ZNF831: variants seen among roughly 807,000 people sequenced by gnomAD.
ZNF831 encodes the protein chromosome 20 open reading frame 174.
In ZNF831, 59 loss-of-function variants were observed where a neutral mutation model predicts 95.8. That is an observed-to-expected ratio of 0.62 (90% CI 0.50 to 0.77). ZNF831 has a LOEUF of 0.77. ZNF831 is among the 30% of genes least tolerant of loss of function. ZNF831 has a pLI of 0.00. For missense variants in ZNF831, 2,205 were observed against 2,164.0 expected (o/e 1.02, Z -0.38); for synonymous variants, 961 against 925.5 (o/e 1.04, Z -0.70).
chr20:59,200,712 A>G (rs1381887896), intron 3 of ZNF831, among the ~76,000 whole-genome samples: 1 of 152,116 alleles, frequency 6.6e-6, no homozygotes, highest in Non-Finnish European at 1.5e-5. Context: ...CTAGAATTTT[A>G]TAGAAACAGA....
chr20:59,242,608 G>C (rs1987396305), intron 4 of ZNF831, among the ~76,000 whole-genome samples: 1 of 152,020 alleles, frequency 6.6e-6, no homozygotes, highest in South Asian at 2.1e-4. Context: ...TTTTATCAAA[G>C]AAATAAGAGA....
At chr20:59,138,069 T>C (rs1187431067) in intron 1 of ZNF831, among the ~76,000 whole-genome samples, 5 of 152,222 alleles carry the variant, frequency 3.3e-5, no homozygotes, top group African/African-American at 1.2e-4. Flanking sequence ...GTAATGTATT[T>C]AGGGACACAT....
intron 4 of ZNF831, among the ~76,000 whole-genome samples, chr20:59,213,866 A>G (rs1985505633): frequency 6.6e-6 from 1 of 152,202 alleles, no homozygotes; most frequent in Admixed American, 6.5e-5. Flanking sequence ...AGGTAAAAGT[A>G]GTAACCGAAC....
intron 3 of ZNF831, among the ~76,000 whole-genome samples, chr20:59,199,460 TA>T (rs1383914395): frequency 6.6e-6 from 1 of 152,190 alleles, no homozygotes; most frequent in Non-Finnish European, 1.5e-5. Context: ...AAAGTACACA[TA>T]AAAGTATCAT....
chr20:59,157,937 A>G (rs1161620081), intron 2 of ZNF831, among the ~76,000 whole-genome samples: 1 of 152,208 alleles, frequency 6.6e-6, no homozygotes, highest in Non-Finnish European at 1.5e-5. Context: ...TTCTTGTTGT[A>G]GCTGAAATAT....
chr20:59,207,802 G>T (rs1378260085), intron 4 of ZNF831, among the ~76,000 whole-genome samples: 1 of 152,226 alleles, frequency 6.6e-6, no homozygotes, highest in Non-Finnish European at 1.5e-5. Flanking sequence ...AGCAGTGCCT[G>T]AATTACCATC....
intron 2 of ZNF831, among the ~76,000 whole-genome samples, chr20:59,153,614 A>G (rs1980373892): frequency 1.3e-5 from 2 of 150,872 alleles, no homozygotes; most frequent in Non-Finnish European, 3.0e-5. Flanking sequence ...AGCACACCCT[A>G]TGAAGGGCAA....
intron 2 of ZNF831, among the ~76,000 whole-genome samples, chr20:59,151,007 G>A (rs529960627): frequency 1.3e-5 from 2 of 152,336 alleles, no homozygotes; most frequent in South Asian, 4.1e-4. Context: ...CCAGATGGGA[G>A]ACCCATGAGC....
chr20:59,194,844 G>T (rs973928178), intron 2 of ZNF831, 87 bp downstream of exon 2: 3 of 1,443,588 alleles, frequency 2.1e-6, no homozygotes, highest in Non-Finnish European at 2.7e-6. Flanking sequence ...GAAGTCTGAA[G>T]CCGTCCCATG....
Position 59,192,520 on chromosome 20 carries a change from G to A in ZNF831, c.1501G>A (p.Val501Ile), listed in dbSNP as rs546116387. ...QLSTTVECVP[V>I]TRSNSLPFVE... ...CTCCACCACCGTGGAATGTGTCCCC[G>A]TCACCAGGAGCAACTCGCTGCCCTT... Residue 501 changes from valine to isoleucine, a missense_variant, in exon 2 of 6, where the codon GTC (valine) becomes ATC (isoleucine). Transcript: ENST00000371030. This position sits in a 1 kb window ranked among gnomAD's most constrained non-coding sequence, Gnocchi z 5.2. 6 of 1,534,134 alleles carry A rather than the reference G, an allele frequency of 3.9e-6. No homozygotes were observed. Among genetic ancestry groups the A allele is most frequent in the African/African-American group, 1.4e-5 (1 of 72,390 alleles).
rs778565250 is a variant in ZNF831 at position 59,194,379 on chromosome 20, G to T, written c.3360G>T (p.Val1120=). The T allele has an allele frequency of 1.9e-6, 3 of 1,611,012 alleles. No individual in the cohort carries two copies. Among genetic ancestry groups the T allele is most frequent in the Admixed American group, 1.7e-5 (1 of 59,760 alleles). Residue 1120 remains valine (V), a synonymous_variant, in exon 2 of 6, where the codon GTG becomes GTT. Transcript: ENST00000371030. The stretch of plus-strand genomic sequence containing the variant: ...AAGATCCTTCTTCAGGGCCCCTGGT[G>T]GGCCCCGACCCGTGTTCCCCCCTCC... ...APEDPSSGPL[V]GPDPCSPLQP... is the part of the protein sequence containing the mutation.
intron 1 of ZNF831, among the ~76,000 whole-genome samples, chr20:59,139,248 T>A (rs865921204): frequency 6.6e-6 from 1 of 152,246 alleles, no homozygotes; most frequent in Non-Finnish European, 1.5e-5. Flanking sequence ...AGTATTTCTA[T>A]GGTGTGGATG....
chr20:59,195,736 C>T (rs954947503), intron 2 of ZNF831, 133 bp from the exon 3 acceptor site: 1 of 1,481,658 alleles, frequency 6.7e-7, no homozygotes, highest in African/African-American at 1.4e-5. Context: ...GGGGCTCAGC[C>T]CGTTTAGCAA....
chr20:59,187,091 C>T (rs372982664), intron 1 of ZNF831, among the ~76,000 whole-genome samples: 2 of 152,106 alleles, frequency 1.3e-5, no homozygotes, highest in African/African-American at 2.4e-5. Flanking sequence ...TGCCAGGAAG[C>T]GTTCCCACCA....
chr20:59,130,331 T>A (rs117451612), intron 1 of ZNF831, among the ~76,000 whole-genome samples: 1 of 152,276 alleles, frequency 6.6e-6, no homozygotes, highest in East Asian at 1.9e-4. Flanking sequence ...CAGCAAGATG[T>A]GAACTGTCGT....
intron 3 of ZNF831, 103 bp downstream of exon 3, chr20:59,196,108 C>T (rs1984086347): frequency 1.4e-6 from 2 of 1,476,544 alleles, no homozygotes; most frequent in Non-Finnish European, 1.8e-6. Context: ...GTTCCTGTTT[C>T]CTAGGGTTTA....
In ZNF831 at chr20:59,258,685, T is replaced by C. The variant is rs2064865; in HGVS notation, c.*3942T>C. The C allele has an allele frequency of 0.28, 42,225 of 152,184 alleles. 6,926 individuals are homozygous for C. Among genetic ancestry groups the C allele is most frequent in the East Asian group, 0.71 (3,688 of 5,168 alleles). The allele number at this position is 152,184 out of a possible 1,614,324, so 9.4% of individuals were successfully genotyped here. A position where few individuals can be genotyped will look rare whatever the true frequency, so the allele number is the denominator to read the frequency against. On this transcript the variant is annotated 3_prime_UTR_variant, in exon 6 of 6. Coordinates refer to ENST00000371030, the MANE Select transcript of ZNF831 (RefSeq NM_178457.3). Reference sequence around the variant, plus strand: ...AGTTCATGTAGGGAGGCACTTTGGCTTTTGAAACACTACATTTCTCAATAT... The same window carrying C: ...AGTTCATGTAGGGAGGCACTTTGGCCTTTGAAACACTACATTTCTCAATAT...
chr20:59,227,877 G>A (rs76566538), intron 4 of ZNF831, among the ~76,000 whole-genome samples: 387 of 152,134 alleles, frequency 2.5e-3, no homozygotes, highest in Non-Finnish European at 3.7e-3. Context: ...GCATAGAGAA[G>A]TTAAGTGACT....
At chr20:59,136,143 A>G (rs912886220) in intron 1 of ZNF831, among the ~76,000 whole-genome samples, 4 of 152,156 alleles carry the variant, frequency 2.6e-5, no homozygotes, top group African/African-American at 9.7e-5. Flanking sequence ...AGGCTGCCTC[A>G]TTCCTTGGCT....
Sources: allele counts gnomAD v4.1 joint callset (sites outside exome capture counted in the v4.1 genomes callset), GRCh38; gene constraint gnomAD v4.1.1; non-coding constraint Gnocchi (gnomAD v3.1); transcripts MANE v1.5; gene names NCBI Gene and HGNC (gene_info 2026-07-23, HGNC 2026-07-21).